OCA2: variants seen among roughly 807,000 people sequenced by gnomAD.
OCA2 encodes the protein OCA2 melanosomal transmembrane protein.
In OCA2, 77 loss-of-function variants were observed where a neutral mutation model predicts 100.2. That is an observed-to-expected ratio of 0.77 (90% CI 0.64 to 0.93). The LOEUF (loss-of-function observed/expected upper bound fraction) is 0.93. Among genes scored for constraint, OCA2 ranks in the 40% least tolerant of loss-of-function variants. OCA2 has a pLI of 0.00. For missense variants in OCA2, 1,062 were observed against 1,089.1 expected (o/e 0.98, Z 0.35); for synonymous variants, 432 against 439.2 (o/e 0.98, Z 0.21).
intron 21 of OCA2, among the ~76,000 whole-genome samples, chr15:27,867,027 G>A (rs1342708295): frequency 6.6e-6 from 1 of 152,216 alleles, no homozygotes. Flanking sequence ...TGCAAAAGCT[G>A]GGGGCTTGTG....
chr15:27,767,530 G>A (rs2031361238), intron 23 of OCA2, among the ~76,000 whole-genome samples: 1 of 152,082 alleles, frequency 6.6e-6, no homozygotes, highest in Admixed American at 6.5e-5. Flanking sequence ...CTAAAGGATT[G>A]TAAATGCACC....
At chr15:28,079,933 G>A (rs1242176557) in intron 2 of OCA2, among the ~76,000 whole-genome samples, 1 of 152,202 alleles carries the variant, frequency 6.6e-6, no homozygotes, top group Non-Finnish European at 1.5e-5. Flanking sequence ...CCTGCCTGTG[G>A]AGCTCATGAC....
intron 19 of OCA2, among the ~76,000 whole-genome samples, chr15:27,911,871 A>G (rs776249264): frequency 5.3e-5 from 8 of 152,252 alleles, no homozygotes; most frequent in Non-Finnish European, 1.0e-4. Context: ...TATGGAGAAG[A>G]AAAGAATTAA....
intron 19 of OCA2, among the ~76,000 whole-genome samples, chr15:27,899,794 G>A (rs1371865808): frequency 6.6e-6 from 1 of 152,206 alleles, no homozygotes; most frequent in Admixed American, 6.5e-5. Context: ...CATGCAGTAT[G>A]TGCTTAAACA....
intron 18 of OCA2, among the ~76,000 whole-genome samples, chr15:27,928,541 G>C (rs1189738645): frequency 6.6e-6 from 1 of 152,166 alleles, no homozygotes; most frequent in Non-Finnish European, 1.5e-5. Flanking sequence ...GCAGGGCTGC[G>C]TTCCTGTCTG....
chr15:28,094,795 T>C (rs1374116136), intron 1 of OCA2, among the ~76,000 whole-genome samples: 1 of 152,110 alleles, frequency 6.6e-6, no homozygotes, highest in Non-Finnish European at 1.5e-5. Flanking sequence ...CGCCGTGCCG[T>C]GGCCTTCAGA....
intron 2 of OCA2, among the ~76,000 whole-genome samples, chr15:28,040,191 C>A (rs1039604815): frequency 1.3e-5 from 2 of 152,180 alleles, no homozygotes; most frequent in Non-Finnish European, 2.9e-5. Context: ...ATACCAGCAC[C>A]TTGACCTTGG....
chr15:27,845,225 A>T (rs2035488136), intron 22 of OCA2, among the ~76,000 whole-genome samples, 173 bp from the exon 23 acceptor site: 1 of 152,216 alleles, frequency 6.6e-6, no homozygotes, highest in Non-Finnish European at 1.5e-5. Context: ...GCAAGCAAAA[A>T]ATAAGCTCAC....
intron 18 of OCA2, among the ~76,000 whole-genome samples, chr15:27,935,604 T>C (rs928627666): frequency 2.0e-5 from 3 of 152,204 alleles, no homozygotes; most frequent in African/African-American, 7.2e-5. Context: ...CACAGCTTGC[T>C]GGGGTGAAGC....
chr15:27,925,638 T>C (rs1305599659), intron 19 of OCA2, among the ~76,000 whole-genome samples: 1 of 152,196 alleles, frequency 6.6e-6, no homozygotes, highest in Non-Finnish European at 1.5e-5. Flanking sequence ...ACCTTTCTGT[T>C]TGAGGAGGAC....
At chr15:28,056,770 C>T (rs2043713122) in intron 2 of OCA2, among the ~76,000 whole-genome samples, 1 of 152,244 alleles carries the variant, frequency 6.6e-6, no homozygotes, top group African/African-American at 2.4e-5. Flanking sequence ...CCTGCAAGTC[C>T]CTGCCAGGGT....
intron 2 of OCA2, among the ~76,000 whole-genome samples, chr15:28,048,698 C>A (rs1478678052): frequency 6.6e-6 from 1 of 152,022 alleles, no homozygotes; most frequent in Non-Finnish European, 1.5e-5. Context: ...AAATTAAAAT[C>A]CTTTGCGCTT....
intron 2 of OCA2, among the ~76,000 whole-genome samples, chr15:28,036,957 AG>A (rs2141423938): frequency 6.6e-6 from 1 of 152,208 alleles, no homozygotes; most frequent in African/African-American, 2.4e-5. Flanking sequence ...GCCGGTAACA[AG>A]GAATACAAAG....
chr15:28,066,500 A>G (rs2044028853), intron 2 of OCA2, among the ~76,000 whole-genome samples: 1 of 152,146 alleles, frequency 6.6e-6, no homozygotes, highest in Non-Finnish European at 1.5e-5. Flanking sequence ...TTTAAAACAG[A>G]GACATTAAAA....
intron 19 of OCA2, chr15:27,896,373 AAG>A: frequency 1.3e-6 from 1 of 753,144 alleles, no homozygotes; most frequent in Non-Finnish European, 2.4e-6. Flanking sequence ...TCAATACAGG[AAG>A]AACAGTGTAA....
At chr15:28,037,221 GC>G in intron 2 of OCA2, among the ~76,000 whole-genome samples, 1 of 151,614 alleles carries the variant, frequency 6.6e-6, no homozygotes, top group African/African-American at 2.4e-5. Flanking sequence ...TCAAGACAGG[GC>G]CAGACTGGGA....
chr15:27,832,112 C>G (rs2034983895), intron 23 of OCA2, among the ~76,000 whole-genome samples: 1 of 152,204 alleles, frequency 6.6e-6, no homozygotes, highest in Non-Finnish European at 1.5e-5. Flanking sequence ...CTGGAACATA[C>G]TCAAGACCAA....
intron 2 of OCA2, among the ~76,000 whole-genome samples, chr15:28,055,036 T>C (rs1028147936): frequency 2.0e-5 from 3 of 152,174 alleles, no homozygotes; most frequent in Non-Finnish European, 4.4e-5. Flanking sequence ...ACCCTTGACA[T>C]GTGGGGATTA....
chr15:28,087,878 A>G (rs2044804795), intron 1 of OCA2, among the ~76,000 whole-genome samples: 1 of 152,224 alleles, frequency 6.6e-6, no homozygotes, highest in Admixed American at 6.5e-5. Context: ...CCTAGCCAAC[A>G]TAGTGAAACC....
Sources: gnomAD v4.1 joint callset for allele counts (sites outside exome capture counted in the v4.1 genomes callset) on GRCh38, gnomAD v4.1.1 for gene constraint, MANE v1.5 for transcripts, NCBI Gene and HGNC (gene_info 2026-07-23, HGNC 2026-07-21) for gene names.